The following MEIS2 variants were observed in gnomAD, a reference collection of about 807,000 sequenced individuals.
The protein encoded by MEIS2 is Meis homeobox 2.
MEIS2 carries 9 observed loss-of-function variants against 58.6 expected under a neutral mutation model. The observed-to-expected ratio is 0.15, with a 90% confidence interval of 0.09 to 0.27. The LOEUF (loss-of-function observed/expected upper bound fraction) is 0.27. Among genes scored for constraint, MEIS2 ranks in the 10% least tolerant of loss-of-function variants. The pLI is 1.00. For missense variants in MEIS2, 427 were observed against 635.0 expected (o/e 0.67, Z 3.52); for synonymous variants, 221 against 228.4 (o/e 0.97, Z 0.29).
chr15:36,903,103 T>A (rs1043032969), intron 9 of MEIS2, among the ~76,000 whole-genome samples: 8 of 152,196 alleles, frequency 5.3e-5, no homozygotes, highest in Non-Finnish European at 7.4e-5. Flanking sequence ...AAATTTCCCC[T>A]CAGATAGGGA....
At chr15:36,945,652 T>G (rs1026274025) in intron 9 of MEIS2, among the ~76,000 whole-genome samples, 1 of 152,052 alleles carries the variant, frequency 6.6e-6, no homozygotes, top group Non-Finnish European at 1.5e-5. Context: ...AACTGCCACT[T>G]TCCATGAAGA....
intron 9 of MEIS2, among the ~76,000 whole-genome samples, chr15:36,906,645 A>G (rs2141252554): frequency 8.0e-6 from 1 of 125,674 alleles, no homozygotes; most frequent in South Asian, 2.8e-4. Context: ...TATGTCAGCC[A>G]CTCAAGAAAA....
At chr15:37,011,754 G>A (rs2061167700) in intron 8 of MEIS2, among the ~76,000 whole-genome samples, 1 of 151,168 alleles carries the variant, frequency 6.6e-6, no homozygotes, top group Non-Finnish European at 1.5e-5. Context: ...TGAGTAGCTG[G>A]GATTACAGGC....
At chr15:36,996,876 C>T (rs1435608970) in intron 8 of MEIS2, among the ~76,000 whole-genome samples, 1 of 152,196 alleles carries the variant, frequency 6.6e-6, no homozygotes, top group Non-Finnish European at 1.5e-5. Flanking sequence ...AGTAACTCTC[C>T]ATATTACATA....
At chr15:36,985,365 C>T (rs2060061201) in intron 8 of MEIS2, among the ~76,000 whole-genome samples, 2 of 152,162 alleles carry the variant, frequency 1.3e-5, no homozygotes, top group African/African-American at 4.8e-5. Context: ...TTACAATCTT[C>T]TTTCATCTTC....
chr15:37,047,306 G>A (rs1180390410), intron 7 of MEIS2, among the ~76,000 whole-genome samples: 1 of 152,036 alleles, frequency 6.6e-6, no homozygotes, highest in Non-Finnish European at 1.5e-5. Context: ...TTTTTTTAAT[G>A]TTCTGTTCAC....
intron 9 of MEIS2, among the ~76,000 whole-genome samples, chr15:36,914,906 C>T (rs2057206582): frequency 6.6e-6 from 1 of 152,234 alleles, no homozygotes; most frequent in East Asian, 1.9e-4. Context: ...GAAGTCAACA[C>T]GTGTTGTTAT....
intron 7 of MEIS2, among the ~76,000 whole-genome samples, chr15:37,065,399 T>C (rs1225890036): frequency 6.6e-6 from 1 of 152,298 alleles, no homozygotes; most frequent in Non-Finnish European, 1.5e-5. Flanking sequence ...ATTGGCTCTT[T>C]TTTATTTTGT....
intron 8 of MEIS2, among the ~76,000 whole-genome samples, chr15:36,962,029 T>C (rs2059200171): frequency 6.6e-6 from 1 of 152,190 alleles, no homozygotes; most frequent in Admixed American, 6.5e-5. Flanking sequence ...AAAGGACAAA[T>C]TTTTAATGCA....
chr15:36,987,982 G>A (rs994364337), intron 8 of MEIS2, among the ~76,000 whole-genome samples: 1 of 152,054 alleles, frequency 6.6e-6, no homozygotes, highest in Non-Finnish European at 1.5e-5. Context: ...CATGTCACTG[G>A]AACAACATTT....
At chr15:37,078,974 G>C (rs1224248572) in intron 7 of MEIS2, among the ~76,000 whole-genome samples, 1 of 152,052 alleles carries the variant, frequency 6.6e-6, no homozygotes, top group East Asian at 1.9e-4. Flanking sequence ...AGCATTTATG[G>C]GCACCATTAC....
intron 8 of MEIS2, among the ~76,000 whole-genome samples, chr15:37,002,693 G>T (rs1280641195): frequency 6.6e-6 from 1 of 151,986 alleles, no homozygotes; most frequent in African/African-American, 2.4e-5. Flanking sequence ...ATTAATGAAG[G>T]GGGTGAAGGA....
At chr15:37,101,059 G>C (rs951237535), upstream of MEIS2, 5 of 151,960 alleles carry the variant, frequency 3.3e-5, no homozygotes, top group African/African-American at 1.2e-4. Flanking sequence ...AGGGCAGCAA[G>C]CTCTGCAGAC....
At chr15:37,015,134 C>T (rs1023149051) in intron 8 of MEIS2, among the ~76,000 whole-genome samples, 5 of 152,306 alleles carry the variant, frequency 3.3e-5, no homozygotes, top group Middle Eastern at 3.4e-3. Context: ...TATCAGCTTC[C>T]TAATACCAAA....
intron 8 of MEIS2, among the ~76,000 whole-genome samples, chr15:36,975,249 A>T (rs1269399474): frequency 6.6e-6 from 1 of 152,210 alleles, no homozygotes; most frequent in East Asian, 1.9e-4. Flanking sequence ...TCCTCAAATC[A>T]GTGCAGCTTG....
intron 9 of MEIS2, among the ~76,000 whole-genome samples, chr15:36,926,753 A>G (rs1217140868): frequency 6.6e-6 from 1 of 152,190 alleles, no homozygotes; most frequent in Admixed American, 6.5e-5. Flanking sequence ...CATGCTAGCA[A>G]TTTACATCCT....
At chr15:37,011,605 TG>T (rs2061157109) in intron 8 of MEIS2, among the ~76,000 whole-genome samples, 2 of 132,134 alleles carry the variant, frequency 1.5e-5, no homozygotes, top group Non-Finnish European at 3.1e-5. Flanking sequence ...CATCTATCAG[TG>T]GTTTTTTTTT....
At chr15:36,978,301 C>A (rs1009641501) in intron 8 of MEIS2, among the ~76,000 whole-genome samples, 11 of 152,144 alleles carry the variant, frequency 7.2e-5, no homozygotes, top group African/African-American at 2.7e-4. Flanking sequence ...TTTTGCTAAT[C>A]CCTAGAGCAA....
At chr15:37,075,221 A>T (rs1264467299) in intron 7 of MEIS2, among the ~76,000 whole-genome samples, 1 of 152,082 alleles carries the variant, frequency 6.6e-6, no homozygotes, top group African/African-American at 2.4e-5. Flanking sequence ...TATAGATAAC[A>T]TAATGAAATT....
Sources: allele counts gnomAD v4.1 joint callset (sites outside exome capture counted in the v4.1 genomes callset), GRCh38; gene constraint gnomAD v4.1.1; transcripts MANE v1.5; gene names NCBI Gene and HGNC (gene_info 2026-07-23, HGNC 2026-07-21).